The following CADM2 variants were observed in gnomAD, a reference collection of about 807,000 sequenced individuals.
The protein encoded by CADM2 is immunoglobulin superfamily member 4D.
Under a neutral mutation model 49.8 loss-of-function variants are expected in CADM2, and 12 were observed. The observed-to-expected ratio is 0.24, with a 90% CI of 0.15 to 0.39. The LOEUF is 0.39. CADM2 is among the 10% of genes least tolerant of loss of function. The probability of loss-of-function intolerance (pLI) is 1.00; values close to 1 mark genes in which losing one functional copy is unlikely to be tolerated. For synonymous variants in CADM2, 214 were observed against 175.4 expected (o/e 1.22, Z -1.74); for missense variants, 378 against 492.3 (o/e 0.77, Z 2.20).
At chr3:85,869,702 A>G (rs1467997603) in intron 3 of CADM2, among the ~76,000 whole-genome samples, 4 of 152,108 alleles carry the variant, frequency 2.6e-5, no homozygotes, top group Non-Finnish European at 5.9e-5. Context: ...TCTGTCTATC[A>G]GGCTGGAGTG....
At chr3:86,036,688 C>G (rs1337721434) in intron 8 of CADM2, among the ~76,000 whole-genome samples, 5 of 152,000 alleles carry the variant, frequency 3.3e-5, no homozygotes, top group African/African-American at 9.7e-5. Context: ...GTTACTCAGC[C>G]TCCCAGTGCC....
At chr3:84,963,683 G>T (rs1013780900) in intron 1 of CADM2, among the ~76,000 whole-genome samples, 4 of 151,990 alleles carry the variant, frequency 2.6e-5, no homozygotes, top group African/African-American at 7.3e-5. Flanking sequence ...AAATCTCATT[G>T]GACGTACATA....
chr3:85,495,849 G>T (rs1329245760), intron 1 of CADM2, among the ~76,000 whole-genome samples: 1 of 151,984 alleles, frequency 6.6e-6, no homozygotes, highest in Non-Finnish European at 1.5e-5. Context: ...CATTCATGAG[G>T]GATCCATCCT....
chr3:85,280,039 G>A (rs775267213), intron 1 of CADM2, among the ~76,000 whole-genome samples: 9 of 151,178 alleles, frequency 6.0e-5, no homozygotes, highest in Non-Finnish European at 8.9e-5. Flanking sequence ...ATGTAGTCCC[G>A]CCTACATTAT....
intron 1 of CADM2, among the ~76,000 whole-genome samples, chr3:85,526,501 C>A (rs748617240): frequency 2.0e-5 from 3 of 152,016 alleles, no homozygotes; most frequent in Non-Finnish European, 4.4e-5. Context: ...TGTAAGAATG[C>A]GATATAATAG....
intron 1 of CADM2, among the ~76,000 whole-genome samples, chr3:85,186,087 T>A (rs933396110): frequency 2.0e-5 from 3 of 152,202 alleles, no homozygotes; most frequent in African/African-American, 7.2e-5. Flanking sequence ...CAGGAGACTG[T>A]AGTTGCTGGA....
chr3:85,278,759 TG>T (rs1487022050), intron 1 of CADM2, among the ~76,000 whole-genome samples: 2 of 140,382 alleles, frequency 1.4e-5, no homozygotes, highest in African/African-American at 2.7e-5. Flanking sequence ...TGTGTGTGTG[TG>T]TTGGTAGTTT....
At chr3:85,557,175 A>G (rs962988833) in intron 1 of CADM2, among the ~76,000 whole-genome samples, 9 of 152,056 alleles carry the variant, frequency 5.9e-5, no homozygotes, top group Non-Finnish European at 1.3e-4. Flanking sequence ...CTGAAGTGAT[A>G]AATAAAAATA....
chr3:86,001,352 A>G (rs1356104228), intron 8 of CADM2, among the ~76,000 whole-genome samples: 2 of 152,164 alleles, frequency 1.3e-5, no homozygotes, highest in African/African-American at 4.8e-5. Context: ...GCTTGGGTTC[A>G]TGCCAGAAGA....
intron 1 of CADM2, among the ~76,000 whole-genome samples, chr3:85,286,270 T>C (rs1405787462): frequency 2.0e-5 from 3 of 152,148 alleles, no homozygotes; most frequent in African/African-American, 7.2e-5. Flanking sequence ...ATCCAAACTT[T>C]AGTTCCTATT....
chr3:85,820,310 T>G (rs2073475180), intron 3 of CADM2, among the ~76,000 whole-genome samples: 1 of 152,060 alleles, frequency 6.6e-6, no homozygotes, highest in African/African-American at 2.4e-5. Context: ...CTATAAACAT[T>G]TTCACAGTAA....
At chr3:85,251,442 AAG>A (rs1185543952) in intron 1 of CADM2, among the ~76,000 whole-genome samples, 2 of 151,948 alleles carry the variant, frequency 1.3e-5, no homozygotes, top group African/African-American at 4.8e-5. Flanking sequence ...GTAGACAAAA[AAG>A]AGATTTCAAT....
intron 1 of CADM2, among the ~76,000 whole-genome samples, chr3:85,213,898 A>G (rs1279466096): frequency 6.6e-6 from 1 of 152,098 alleles, no homozygotes; most frequent in Non-Finnish European, 1.5e-5. Flanking sequence ...GTTCAACTCC[A>G]TAATGTCTGC....
intron 1 of CADM2, among the ~76,000 whole-genome samples, chr3:85,392,633 G>T (rs1281112837): frequency 6.6e-6 from 1 of 151,978 alleles, no homozygotes; most frequent in Non-Finnish European, 1.5e-5. Flanking sequence ...GCCCCTTCAA[G>T]TTAAAACAAT....
At chr3:85,933,729 T>C (rs1197384998) in intron 6 of CADM2, among the ~76,000 whole-genome samples, 1 of 152,062 alleles carries the variant, frequency 6.6e-6, no homozygotes, top group East Asian at 1.9e-4. Context: ...ATTGATGATA[T>C]AGTTCCAGTC....
chr3:86,007,571 C>CT (rs1382051656), intron 8 of CADM2, among the ~76,000 whole-genome samples: 2 of 152,134 alleles, frequency 1.3e-5, no homozygotes, highest in Non-Finnish European at 2.9e-5. Flanking sequence ...AGGTTTACCT[C>CT]TTTTTGCCTA....
At chr3:85,156,827 A>G (rs2040141338) in intron 1 of CADM2, among the ~76,000 whole-genome samples, 1 of 152,306 alleles carries the variant, frequency 6.6e-6, no homozygotes, top group African/African-American at 2.4e-5. Flanking sequence ...TAGTGTTGGA[A>G]GTTCTGGCCA....
rs189993852 is a variant in CADM2, at chr3:85,654,201, G to A, written c.62-72321G>A. On this transcript the variant is annotated intron_variant, in intron 1 of 9. Coordinates refer to ENST00000383699, the MANE Select transcript of CADM2 (RefSeq NM_001167675.2). The stretch of plus-strand genomic sequence containing the variant: ...GGGTGTTCACTGGAGGGAAAAATAG[G>A]TCAGGAGAGGTATTTATCAACAGAG... Among the ~76,000 whole-genome samples the A allele has an allele frequency of 1.9e-3, 289 of 152,290 alleles. 1 individual carries two copies. Among genetic ancestry groups the A allele is most frequent in the South Asian group, 7.2e-3 (35 of 4,830 alleles).
At chr3:85,278,291 C>T (rs192696280) in intron 1 of CADM2, among the ~76,000 whole-genome samples, 10 of 151,450 alleles carry the variant, frequency 6.6e-5, no homozygotes, top group East Asian at 3.9e-4. Context: ...CCGAAGTATT[C>T]TCCCATTCCC....
Sources: allele counts gnomAD v4.1 joint callset (sites outside exome capture counted in the v4.1 genomes callset), GRCh38; gene constraint gnomAD v4.1.1; transcripts MANE v1.5; gene names NCBI Gene and HGNC (gene_info 2026-07-23, HGNC 2026-07-21).